Variants in SPANXD observed in about 807,000 individuals in gnomAD.
The protein encoded by SPANXD is SPANX family member D, also known as sperm protein associated with the nucleus on the X chromosome D.
SPANXD carries 2 observed loss-of-function variants against 1.8 expected under a neutral mutation model. The ratio of observed to expected loss-of-function variants is 1.10; its 90% confidence interval spans 0.45 to 3.47. The LOEUF (loss-of-function observed/expected upper bound fraction) is 3.47. Ranked by LOEUF, SPANXD falls within the 30% of genes most tolerant of loss-of-function variation. The pLI is 0.08. For synonymous variants in SPANXD, 30 were observed against 32.9 expected (o/e 0.91, Z 0.30); for missense variants, 80 against 81.6 (o/e 0.98, Z 0.07).
rs2016823156 is a variant in SPANXD, at chrX:141,698,499, T to C, written c.-94A>G. 9 of 816,184 alleles carry C rather than the reference T, an allele frequency of 1.1e-5. No homozygotes were observed. The East Asian group carries it at 2.8e-4, about 26-fold the overall frequency. The allele number at this position is 816,184 out of a possible 1,213,427, so 67.3% of individuals were successfully genotyped here. ...GCTCTTGCCCTCCCTATGTATACCC[T>C]CCTGGTGACAAGGCAAAGCCACACC... is the stretch of plus-strand genomic sequence containing the variant. On this transcript the variant is annotated 5_prime_UTR_variant, in exon 1 of 2. Coordinates refer to ENST00000370515, the MANE Select transcript of SPANXD (RefSeq NM_032417.4).
rs201199081 is a variant in SPANXD, at chrX:141,697,681, C to T, written c.78G>A (p.Pro26=). ...CDSNEANEMM[P]ETSSGYSDPQ... ...GGTCTGAGTACCCACTCGAGGTCTC[C>T]GGCATCTGTTAAGAAAACAGGGAGA... Residue 26 remains proline (P), a synonymous_variant, in exon 2 of 2, where the codon CCG becomes CCA. Transcript: ENST00000370515. The T allele has an allele frequency of 3.2e-4, 378 of 1,186,864 alleles. 6 individuals carry two copies. The highest frequency in any genetic ancestry group is 3.9e-4 in the Non-Finnish European group (346 of 879,909).
Position 141,697,453 on chromosome X carries a change from T to C in SPANXD, c.*12A>G. On this transcript the variant is annotated 3_prime_UTR_variant, in exon 2 of 2. Coordinates refer to ENST00000370515, the MANE Select transcript of SPANXD (RefSeq NM_032417.4). ...ATTGTCATTGCCCAAGGTTGAGAGA[T>C]GTAGCTTCTTGCTACTTTGCAGGTA... is the stretch of plus-strand genomic sequence containing the variant. 4 of 1,209,393 alleles carry C rather than the reference T, an allele frequency of 3.3e-6. No homozygotes were observed. The highest frequency in any genetic ancestry group is 4.5e-6 in the Non-Finnish European group (4 of 894,772).
chrX:141,697,655 G>A lies in SPANXD; in HGVS notation c.104C>T (p.Pro35Leu), dbSNP rs137928270. Residue 35 changes from proline (P) to leucine (L), a missense_variant, in exon 2 of 2, where the codon CCG becomes CTG. This residue lies in a region of SPANXD where 78 missense variants were observed against 58.7 expected (regional missense o/e 1.33). Coordinates refer to ENST00000370515, the MANE Select transcript of SPANXD (RefSeq NM_032417.4). Reference sequence around the variant, plus strand: ...TTTTAGTTTTTTCGGAGCAGGTTGCGGGTCTGAGTACCCACTCGAGGTCTC... The same window carrying A: ...TTTTAGTTTTTTCGGAGCAGGTTGCAGGTCTGAGTACCCACTCGAGGTCTC... ...MPETSSGYSD[P>L]QPAPKKLKTS... 2.6e-5 allele frequency: 31 copies of A among 1,186,493 alleles called. No homozygotes were observed. The highest frequency in any genetic ancestry group is 9.1e-5 in the African/African-American group (5 of 54,881).
In SPANXD at chrX:141,697,420, C is replaced by G. The variant is rs1556402186; in HGVS notation, c.*45G>C. 6 of 1,206,420 alleles carry G rather than the reference C, an allele frequency of 5.0e-6. No homozygotes were observed. In the South Asian group the frequency reaches 7.1e-5, roughly 14 times the overall value. ...GAGATATACACAGCCATCAGCTTCT[C>G]AAACTTTATTGTCATTGCCCAAGGT... is the stretch of plus-strand genomic sequence containing the variant. On this transcript the variant is annotated 3_prime_UTR_variant, in exon 2 of 2. Transcript: ENST00000370515.
chrX:141,698,630 C>T lies in SPANXD; in HGVS notation c.-225G>A, dbSNP rs1349501155. ...GCTGACCACTCCCTGGGCTTGCGGG[C>T]GAGGGGTGACAGGGGTGTAGAGCAA... On this transcript the variant is annotated 5_prime_UTR_variant, in exon 1 of 2. Transcript: ENST00000370515. 24 of 474,180 alleles carry T rather than the reference C, an allele frequency of 5.1e-5. No individual in the cohort carries two copies. The East Asian group carries it at 9.2e-4, about 18-fold the overall frequency. The allele number at this position is 474,180 out of a possible 1,213,427, so 39.1% of individuals were successfully genotyped here. A position where few individuals can be genotyped will look rare whatever the true frequency, so the allele number is the denominator to read the frequency against.
At position 141,697,454 on chromosome X, in the gene SPANXD, G is replaced by A. The variant is rs367815323; in HGVS notation, c.*11C>T. ...TTGTCATTGCCCAAGGTTGAGAGAT[G>A]TAGCTTCTTGCTACTTTGCAGGTAT... On this transcript the variant is annotated 3_prime_UTR_variant, in exon 2 of 2. Coordinates refer to ENST00000370515, the MANE Select transcript of SPANXD (RefSeq NM_032417.4). The A allele has an allele frequency of 1.4e-4, 173 of 1,207,147 alleles. No individual in the cohort carries two copies. Among genetic ancestry groups the A allele is most frequent in the Non-Finnish European group, 1.8e-4 (164 of 894,372 alleles).
chrX:141,698,483 C>T lies in SPANXD; in HGVS notation c.-78G>A, dbSNP rs1188444878. On this transcript the variant is annotated 5_prime_UTR_variant, in exon 1 of 2. Coordinates refer to ENST00000370515, the MANE Select transcript of SPANXD (RefSeq NM_032417.4). Reference sequence around the variant, plus strand: ...TTCTCAGTGGCCCGGAGCTCTTGCCCTCCCTATGTATACCCTCCTGGTGAC... The same window carrying T: ...TTCTCAGTGGCCCGGAGCTCTTGCCTTCCCTATGTATACCCTCCTGGTGAC... 24 of 1,146,318 alleles carry T rather than the reference C, an allele frequency of 2.1e-5. 1 individual carries two copies. The East Asian group carries it at 4.8e-4, about 23-fold the overall frequency. The allele number at this position is 1,146,318 out of a possible 1,213,427, so 94.5% of individuals were successfully genotyped here.
chrX:141,697,592 C>A lies in SPANXD; in HGVS notation c.167G>T (p.Arg56Met). 3 of 1,204,233 alleles carry A rather than the reference C, an allele frequency of 2.5e-6. No individual in the cohort carries two copies. The highest frequency in any genetic ancestry group is 3.4e-6 in the Non-Finnish European group (3 of 891,163). ...ESSTILVVRY[R>M]RNFKRTSPEE... ...TGGAGATGTTCTTTTAAAGTTCCTC[C>A]TGTAGCGAACCACTAGTATGGTCGA... Residue 56 changes from arginine to methionine, a missense_variant, in exon 2 of 2, where the codon AGG (arginine) becomes ATG (methionine). Coordinates refer to ENST00000370515, the MANE Select transcript of SPANXD (RefSeq NM_032417.4).
chrX:141,697,631 T>G lies in SPANXD; in HGVS notation c.128A>C (p.Lys43Thr), dbSNP rs202132097. 8.4e-7 allele frequency: 1 copy of G among 1,188,815 alleles called. No homozygotes were observed. Among genetic ancestry groups the G allele is most frequent in the Non-Finnish European group, 1.1e-6 (1 of 880,463 alleles). ...SDPQPAPKKL[K>T]TSESSTILVV... ...TAGTATGGTCGAGGACTCAGATGTT[T>G]TTAGTTTTTTCGGAGCAGGTTGCGG... The change falls in exon 2 of 2, where the codon AAA (lysine) becomes ACA (threonine). Residue 43 changes from lysine (K) to threonine (T), a missense_variant. By Grantham distance (78) the Lys-to-Thr change is moderately conservative. Coordinates refer to ENST00000370515, the MANE Select transcript of SPANXD (RefSeq NM_032417.4).
chrX:141,697,645 A>G lies in SPANXD; in HGVS notation c.114T>C (p.Ala38=). The G allele has an allele frequency of 8.4e-6, 10 of 1,188,295 alleles. No homozygotes were observed. The highest frequency in any genetic ancestry group is 1.0e-5 in the Non-Finnish European group (9 of 880,339). ...ACTCAGATGTTTTTAGTTTTTTCGG[A>G]GCAGGTTGCGGGTCTGAGTACCCAC... ...TSSGYSDPQP[A]PKKLKTSESS... Residue 38 remains alanine, a synonymous_variant, in exon 2 of 2, where the codon GCT becomes GCC. Transcript: ENST00000370515.
Position 141,697,599 on chromosome X carries a change from G to A in SPANXD, c.160C>T (p.Arg54Cys), listed in dbSNP as rs373261190. 1.2e-5 allele frequency: 14 copies of A among 1,201,480 alleles called. No homozygotes were observed. Among genetic ancestry groups the A allele is most frequent in the South Asian group, 8.9e-5 (5 of 56,395 alleles). ...GTTCTTTTAAAGTTCCTCCTGTAGC[G>A]AACCACTAGTATGGTCGAGGACTCA... ...TSESSTILVVRYRRNFKRTSP... is the reference protein window; with the variant it reads ...TSESSTILVVCYRRNFKRTSP... Residue 54 changes from arginine to cysteine, a missense_variant, in exon 2 of 2, where the codon CGC becomes TGC. Physicochemically the swap from Arg to Cys is radical, Grantham distance 180. Coordinates refer to ENST00000370515, the MANE Select transcript of SPANXD (RefSeq NM_032417.4).
In SPANXD at chrX:141,697,633, T is replaced by C. The variant is rs139363903; in HGVS notation, c.126A>G (p.Leu42=). 0.028 allele frequency: 32,543 copies of C among 1,179,310 alleles called. 1,337 individuals are homozygous for C. The highest frequency in any genetic ancestry group is 0.034 in the Non-Finnish European group (29,444 of 876,339). ...YSDPQPAPKK[L]KTSESSTILV... ...GTATGGTCGAGGACTCAGATGTTTT[T>C]AGTTTTTTCGGAGCAGGTTGCGGGT... The change falls in exon 2 of 2, where the codon CTA becomes CTG. Residue 42 remains leucine, a synonymous_variant. Coordinates refer to ENST00000370515, the MANE Select transcript of SPANXD (RefSeq NM_032417.4).
At position 141,698,585 on chromosome X, in the gene SPANXD, C is replaced by G. The variant is rs782526695; in HGVS notation, c.-180G>C. ...GCCAATGGCAGCCCTAGGGTGGCTT[C>G]GACGTCACAAAGCCCCACTGCTGAC... On this transcript the variant is annotated 5_prime_UTR_variant, in exon 1 of 2. Transcript: ENST00000370515. The G allele has an allele frequency of 6.3e-6, 6 of 953,438 alleles. No individual in the cohort carries two copies. Among genetic ancestry groups the G allele is most frequent in the African/African-American group, 4.0e-5 (2 of 49,873 alleles). 78.6% of individuals were successfully genotyped at this position (953,438 alleles called of 1,213,427 possible). A position where few individuals can be genotyped will look rare whatever the true frequency, so the allele number is the denominator to read the frequency against.
In SPANXD at chrX:141,697,512, C is replaced by A; in HGVS notation, c.247G>T (p.Glu83Ter). ...RKNRINPLQM[E>*]EEEFMEIMVE... ...ATTATTTCCATGAATTCCTCCTCCTCCATTTGGAGGGGGTTGATTCTGTTC... is the reference window on the plus strand; with the variant it reads ...ATTATTTCCATGAATTCCTCCTCCTACATTTGGAGGGGGTTGATTCTGTTC... The change falls in exon 2 of 2, where the codon GAG (glutamate) becomes TAG (stop). Residue 83 changes from glutamate to a stop codon, truncating the protein, a stop_gained. Coordinates refer to ENST00000370515, the MANE Select transcript of SPANXD (RefSeq NM_032417.4). LOFTEE classifies it low-confidence loss of function (END_TRUNC). The A allele has an allele frequency of 8.3e-7, 1 of 1,207,947 alleles. No individual in the cohort carries two copies. The highest frequency in any genetic ancestry group is 1.1e-6 in the Non-Finnish European group (1 of 893,515).
rs1461421692 is a variant in SPANXD at position 141,698,645 on chromosome X, G to A, written c.-240C>T. On this transcript the variant is annotated 5_prime_UTR_variant, in exon 1 of 2. Transcript: ENST00000370515. ...GGCTTGCGGGCGAGGGGTGACAGGG[G>A]TGTAGAGCAAACCAAATGCTGCTGT... 1 of 410,458 alleles carries A rather than the reference G, an allele frequency of 2.4e-6. No individual in the cohort carries two copies. The highest frequency in any genetic ancestry group is 4.4e-6 in the Non-Finnish European group (1 of 229,410). The allele number at this position is 410,458 out of a possible 1,213,427, so 33.8% of individuals were successfully genotyped here.
At position 141,698,647 on chromosome X, in the gene SPANXD, G is replaced by T. The variant is rs1167271254; in HGVS notation, c.-242C>A. ...CTTGCGGGCGAGGGGTGACAGGGGT[G>T]TAGAGCAAACCAAATGCTGCTGTTG... On this transcript the variant is annotated 5_prime_UTR_variant, in exon 1 of 2. It introduces an in-frame stop codon into an upstream open reading frame of the 5' UTR. Coordinates refer to ENST00000370515, the MANE Select transcript of SPANXD (RefSeq NM_032417.4). 106 of 402,617 alleles carry T rather than the reference G, an allele frequency of 2.6e-4. No individual in the cohort carries two copies. The highest frequency in any genetic ancestry group is 2.6e-3 in the African/African-American group (92 of 35,936). 33.2% of individuals were successfully genotyped at this position (402,617 alleles called of 1,213,427 possible).
rs1407668939 is a variant in SPANXD, at chrX:141,698,589, G to T, written c.-184C>A. Reference sequence around the variant, plus strand: ...ATGGCAGCCCTAGGGTGGCTTCGACGTCACAAAGCCCCACTGCTGACCACT... The same window carrying T: ...ATGGCAGCCCTAGGGTGGCTTCGACTTCACAAAGCCCCACTGCTGACCACT... On this transcript the variant is annotated 5_prime_UTR_variant, in exon 1 of 2. Coordinates refer to ENST00000370515, the MANE Select transcript of SPANXD (RefSeq NM_032417.4). 6.5e-6 allele frequency: 6 copies of T among 926,668 alleles called. No homozygotes were observed. The African/African-American group carries it at 8.1e-5, about 13-fold the overall frequency. 76.4% of individuals were successfully genotyped at this position (926,668 alleles called of 1,213,427 possible).
In SPANXD at chrX:141,698,508, C is replaced by G; in HGVS notation, c.-103G>C. On this transcript the variant is annotated 5_prime_UTR_variant, in exon 1 of 2. Coordinates refer to ENST00000370515, the MANE Select transcript of SPANXD (RefSeq NM_032417.4). ...CTCCCTATGTATACCCTCCTGGTGA[C>G]AAGGCAAAGCCACACCCTTGAGCTT... The G allele has an allele frequency of 4.3e-6, 3 of 696,094 alleles. No individual in the cohort carries two copies. The highest frequency in any genetic ancestry group is 2.7e-5 in the South Asian group (1 of 37,697). The allele number at this position is 696,094 out of a possible 1,213,427, so 57.4% of individuals were successfully genotyped here.
At position 141,697,656 on chromosome X, in the gene SPANXD, G is replaced by T. The variant is rs781799400; in HGVS notation, c.103C>A (p.Pro35Thr). 15 of 1,186,471 alleles carry T rather than the reference G, an allele frequency of 1.3e-5. No individual in the cohort carries two copies. In the Admixed American group the frequency reaches 2.9e-4, roughly 23 times the overall value. ...TTTAGTTTTTTCGGAGCAGGTTGCGGGTCTGAGTACCCACTCGAGGTCTCC... is the reference window on the plus strand; with the variant it reads ...TTTAGTTTTTTCGGAGCAGGTTGCGTGTCTGAGTACCCACTCGAGGTCTCC... The part of the protein sequence containing the change: ...MPETSSGYSD[P>T]QPAPKKLKTS... Residue 35 changes from proline (P) to threonine (T), a missense_variant, in exon 2 of 2, where the codon CCG (proline) becomes ACG (threonine). By Grantham distance (38) the Pro-to-Thr change is conservative. Transcript: ENST00000370515.
Sources: allele counts gnomAD v4.1 joint callset, GRCh38; gene constraint gnomAD v4.1.1; regional missense constraint gnomAD v4.1.1; transcripts MANE v1.5; gene names NCBI Gene and HGNC (gene_info 2026-07-23, HGNC 2026-07-21).